The following AGAP1 variants were observed in gnomAD, a reference collection of about 807,000 sequenced individuals.
The protein encoded by AGAP1 is arf-GAP with GTPase, ANK repeat and PH domain-containing protein 1.
In AGAP1, 29 loss-of-function variants were observed where a neutral mutation model predicts 105.3. That is an observed-to-expected ratio of 0.28 (90% confidence interval 0.21 to 0.38). AGAP1 has a LOEUF of 0.38. AGAP1 is among the 10% of genes least tolerant of loss of function. The probability of loss-of-function intolerance (pLI) is 1.00; values close to 1 mark genes in which losing one functional copy is unlikely to be tolerated. For synonymous variants in AGAP1, 509 were observed against 485.9 expected (o/e 1.05, Z -0.63); for missense variants, 998 against 1,165.1 (o/e 0.86, Z 2.09).
chr2:235,604,026 G>T (rs1373332664), intron 1 of AGAP1, among the ~76,000 whole-genome samples: 1 of 152,000 alleles, frequency 6.6e-6, no homozygotes, highest in East Asian at 1.9e-4. Flanking sequence ...TGCATAGCAG[G>T]TGGATCTTGC....
intron 1 of AGAP1, chr2:235,670,650 C>A: frequency 1.6e-6 from 1 of 638,640 alleles, no homozygotes; most frequent in Non-Finnish European, 2.8e-6. Context: ...CTGGCCTGGG[C>A]GCCGTGCGAC....
chr2:235,750,595 G>A lies in AGAP1; in HGVS notation c.673+107G>A, dbSNP rs185110377. The A allele has an allele frequency of 3.8e-5, 57 of 1,516,670 alleles. No homozygotes were observed. The highest frequency in any genetic ancestry group is 1.1e-4 in the African/African-American group (8 of 73,180). The allele number at this position is 1,516,670 out of a possible 1,614,324, so 94.0% of individuals were successfully genotyped here. A position where few individuals can be genotyped will look rare whatever the true frequency, so the allele number is the denominator to read the frequency against. On this transcript the variant is annotated intron_variant, in intron 6 of 17. Coordinates refer to ENST00000304032, the MANE Select transcript of AGAP1 (RefSeq NM_001037131.3). The surrounding 1 kb of genome is among the most constrained non-coding windows in gnomAD (Gnocchi z 5.3). ...TGCATGTGGGTGGTGGAAATATGTC[G>A]TTGATGGGTGGGCATTAGTATCGAG...
chr2:236,040,695 T>C lies in AGAP1; in HGVS notation c.1801-56T>C. 1 of 1,529,170 alleles carries C rather than the reference T, an allele frequency of 6.5e-7. No individual in the cohort carries two copies. Among genetic ancestry groups the C allele is most frequent in the Non-Finnish European group, 9.0e-7 (1 of 1,106,204 alleles). The allele number at this position is 1,529,170 out of a possible 1,614,324, so 94.7% of individuals were successfully genotyped here. ...GATCTTTCCCTGATGTTATCAGTGATGTGCGTTTCTCCCGGGGTGCTTACG... is the reference window on the plus strand; with the variant it reads ...GATCTTTCCCTGATGTTATCAGTGACGTGCGTTTCTCCCGGGGTGCTTACG... On this transcript the variant is annotated intron_variant, in intron 14 of 17. Transcript: ENST00000304032. This position sits in a 1 kb window ranked among gnomAD's most constrained non-coding sequence, Gnocchi z 5.6.
At chr2:235,704,960 T>G (rs1354097451) in intron 1 of AGAP1, among the ~76,000 whole-genome samples, 3 of 98,292 alleles carry the variant, frequency 3.1e-5, no homozygotes, top group African/African-American at 4.5e-5. Flanking sequence ...AAATACAAGA[T>G]GCTTTTTTCT....
In AGAP1 at chr2:235,552,389, G is replaced by A. The variant is rs1943842769; in HGVS notation, c.163+57540G>A. 6.6e-6 allele frequency among the ~76,000 whole-genome samples: 1 copy of A among 152,208 alleles called. No homozygotes were observed. Among genetic ancestry groups the A allele is most frequent in the Non-Finnish European group, 1.5e-5 (1 of 68,026 alleles). On this transcript the variant is annotated intron_variant, in intron 1 of 17. Transcript: ENST00000304032. The surrounding 1 kb of genome is among the most constrained non-coding windows in gnomAD (Gnocchi z 5.9). ...TATAATGCAAGTGGGATTTCATTAT[G>A]TGTTTAAGGCTTGGCATTGTTGGAG...
In AGAP1 at chr2:235,867,193, T is replaced by A. The variant is rs1450971197; in HGVS notation, c.1051-16152T>A. 2.0e-5 allele frequency among the ~76,000 whole-genome samples: 3 copies of A among 152,178 alleles called. No individual in the cohort carries two copies. The highest frequency in any genetic ancestry group is 4.4e-5 in the Non-Finnish European group (3 of 68,022). ...TACATTAAAGTTTCTGGCCTCTGATTGGGTCTGCATGGTTTCCTGTCCTGT... is the reference window on the plus strand; with the variant it reads ...TACATTAAAGTTTCTGGCCTCTGATAGGGTCTGCATGGTTTCCTGTCCTGT... On this transcript the variant is annotated intron_variant, in intron 9 of 17. Transcript: ENST00000304032. The surrounding 1 kb of genome is among the most constrained non-coding windows in gnomAD (Gnocchi z 5.4).
In AGAP1 at chr2:236,124,092, C is replaced by G. The variant is rs1441836673; in HGVS notation, c.2544C>G (p.Asn848Lys). 1 of 1,614,072 alleles carries G rather than the reference C, an allele frequency of 6.2e-7. No homozygotes were observed. The change falls in exon 18 of 18, where the codon AAC (asparagine) becomes AAG (lysine). Residue 848 changes from asparagine (N) to lysine (K), a missense_variant. Asn to Lys is a moderately conservative substitution (Grantham distance 94, BLOSUM62 0). Coordinates refer to ENST00000304032, the MANE Select transcript of AGAP1 (RefSeq NM_001037131.3). The surrounding 1 kb of genome is among the most constrained non-coding windows in gnomAD (Gnocchi z 5.1). ...NLSRRNNNRN[N>K]SSGRVPTII ...CCAGGAGAAACAATAACCGGAACAA[C>G]AGCAGTGGGAGGGTGCCCACCATCA... is the stretch of plus-strand genomic sequence containing the variant.
rs986896995 is a variant in AGAP1, at chr2:235,728,326, T to TGTGTGTGTGTGTGTGTGTGCGTGTGC, written c.310+10683_310+10684insTGTGTGTGTGTGTGTGTGCGTGTGCG. 6.6e-6 allele frequency among the ~76,000 whole-genome samples: 1 copy of TGTGTGTGTGTGTGTGTGTGCGTGTGC among 151,628 alleles called. No homozygotes were observed. Among genetic ancestry groups the TGTGTGTGTGTGTGTGTGTGCGTGTGC allele is most frequent in the African/African-American group, 2.4e-5 (1 of 41,084 alleles). Reference sequence around the variant, plus strand: ...CTGTGTGTGTGTGTGTGTGTGTGTGTGCGTGCTCTTAAATCAATGTAAATT... The same window carrying TGTGTGTGTGTGTGTGTGTGCGTGTGC: ...CTGTGTGTGTGTGTGTGTGTGTGTGTGTGTGTGTGTGTGTGTGTGCGTGTGCGCGTGCTCTTAAATCAATGTAAATT... On this transcript the variant is annotated intron_variant, in intron 3 of 17. Transcript: ENST00000304032. The surrounding 1 kb of genome is among the most constrained non-coding windows in gnomAD (Gnocchi z 4.3).
chr2:235,670,315 G>A, intron 1 of AGAP1: 1 of 470,964 alleles, frequency 2.1e-6, no homozygotes, highest in South Asian at 3.5e-5. Flanking sequence ...TTGAGGAGGA[G>A]GCCGAGGAGG....
rs1941221809 is a variant in AGAP1, at chr2:235,494,582, C to T, written c.-105C>T. 2 of 303,246 alleles carry T rather than the reference C, an allele frequency of 6.6e-6. No individual in the cohort carries two copies. The highest frequency in any genetic ancestry group is 9.4e-6 in the Non-Finnish European group (2 of 212,658). 18.8% of individuals were successfully genotyped at this position (303,246 alleles called of 1,614,324 possible). A position where few individuals can be genotyped will look rare whatever the true frequency, so the allele number is the denominator to read the frequency against. On this transcript the variant is annotated 5_prime_UTR_variant, in exon 1 of 18. Coordinates refer to ENST00000304032, the MANE Select transcript of AGAP1 (RefSeq NM_001037131.3). ...CTCCTCCGCCCGCCGCCGGCGGGCC[C>T]GGCTCCCCGGGGGCTGCGGCGCCCC...
At position 235,853,178 on chromosome 2, in the gene AGAP1, A is replaced by G. The variant is rs2048551275; in HGVS notation, c.1051-30167A>G. On this transcript the variant is annotated intron_variant, in intron 9 of 17. Coordinates refer to ENST00000304032, the MANE Select transcript of AGAP1 (RefSeq NM_001037131.3). ...TTTGGGTACAAGCAGTGGTAGAAAC[A>G]TAAAACATTAAAATCCAAGATTGAG... The G allele has an allele frequency of 3.7e-6, 4 of 1,093,804 alleles. No homozygotes were observed. In the South Asian group the frequency reaches 1.3e-4, roughly 37 times the overall value. The allele number at this position is 1,093,804 out of a possible 1,614,324, so 67.8% of individuals were successfully genotyped here.
chr2:236,104,760 G>A lies in AGAP1; in HGVS notation c.2115-15432G>A, dbSNP rs1339970746. On this transcript the variant is annotated intron_variant, in intron 16 of 17. Transcript: ENST00000304032. This position sits in a 1 kb window ranked among gnomAD's most constrained non-coding sequence, Gnocchi z 4.7. ...AAAAATTAGCTGGGCATGGTGATGC[G>A]TGCCTGTAATCCCAGCTACTCGGGA... Among the ~76,000 whole-genome samples, 21 of 152,200 alleles carry A rather than the reference G, an allele frequency of 1.4e-4. No homozygotes were observed. Among genetic ancestry groups the A allele is most frequent in the Admixed American group, 1.0e-3 (16 of 15,286 alleles).
intron 13 of AGAP1, among the ~76,000 whole-genome samples, chr2:236,023,832 C>T (rs1285279571): frequency 6.6e-6 from 1 of 152,060 alleles, no homozygotes; most frequent in African/African-American, 2.4e-5. Flanking sequence ...CTGGATGGGC[C>T]TCAGGAGCCT....
intron 6 of AGAP1, among the ~76,000 whole-genome samples, chr2:235,794,467 T>G (rs1001921264): frequency 6.6e-5 from 10 of 152,122 alleles, no homozygotes; most frequent in Non-Finnish European, 1.3e-4. Flanking sequence ...TTCCAGATTT[T>G]TTTTAAATTA....
intron 16 of AGAP1, among the ~76,000 whole-genome samples, chr2:236,098,717 T>C (rs2059258500): frequency 1.3e-5 from 2 of 148,718 alleles, no homozygotes; most frequent in Non-Finnish European, 3.0e-5. Context: ...TTCCCGCTGC[T>C]GGGCTCAAGC....
In AGAP1 at chr2:235,678,101, G is replaced by A. The variant is rs893030500; in HGVS notation, c.164-31078G>A. Among the ~76,000 whole-genome samples the A allele has an allele frequency of 7.2e-5, 11 of 152,218 alleles. 1 individual carries two copies. Among genetic ancestry groups the A allele is most frequent in the Admixed American group, 4.6e-4 (7 of 15,288 alleles). ...TATGGTGCCGGTGAGCCTGCGCGGC[G>A]CTGGCTTTTGCTCCTCTGGTGCCAA... is the stretch of plus-strand genomic sequence containing the variant. On this transcript the variant is annotated intron_variant, in intron 1 of 17. Transcript: ENST00000304032.
rs1202200544 is a variant in AGAP1, at chr2:235,883,818, A to T, written c.1155+369A>T. ...GAAGGAAACAATTACATTTGAACCC[A>T]GGATTTAGCTTTGAAAAGCTGTGAA... On this transcript the variant is annotated intron_variant, in intron 10 of 17. Coordinates refer to ENST00000304032, the MANE Select transcript of AGAP1 (RefSeq NM_001037131.3). The surrounding 1 kb of genome is among the most constrained non-coding windows in gnomAD (Gnocchi z 4.5). 6.6e-6 allele frequency among the ~76,000 whole-genome samples: 1 copy of T among 152,244 alleles called. No individual in the cohort carries two copies. The highest frequency in any genetic ancestry group is 1.9e-4 in the East Asian group (1 of 5,200).
rs562218358 is a variant in AGAP1 at position 235,961,181 on chromosome 2, C to A, written c.1484-7281C>A. Among the ~76,000 whole-genome samples, 2 of 152,314 alleles carry A rather than the reference C, an allele frequency of 1.3e-5. No individual in the cohort carries two copies. The highest frequency in any genetic ancestry group is 3.9e-4 in the East Asian group (2 of 5,170). On this transcript the variant is annotated intron_variant, in intron 12 of 17. Transcript: ENST00000304032. This position sits in a 1 kb window ranked among gnomAD's most constrained non-coding sequence, Gnocchi z 5.9. ...GAAACACGCATGGAGCATGTCATGT[C>A]CCCATGTGGAGAGAGCCACGGAGCA... is the stretch of plus-strand genomic sequence containing the variant.
chr2:235,507,160 G>A lies in AGAP1; in HGVS notation c.163+12311G>A, dbSNP rs72984653. ...TGAATGGAGCAGCTGCCCAGAATCTGTCTTGTCATCGATAGATGGACAGTT... is the reference window on the plus strand; with the variant it reads ...TGAATGGAGCAGCTGCCCAGAATCTATCTTGTCATCGATAGATGGACAGTT... On this transcript the variant is annotated intron_variant, in intron 1 of 17. Coordinates refer to ENST00000304032, the MANE Select transcript of AGAP1 (RefSeq NM_001037131.3). 5.7e-3 allele frequency: 874 copies of A among 152,806 alleles called. 6 individuals carry two copies. The highest frequency in any genetic ancestry group is 7.9e-3 in the Non-Finnish European group (538 of 68,096). 9.5% of individuals were successfully genotyped at this position (152,806 alleles called of 1,614,324 possible). A position where few individuals can be genotyped will look rare whatever the true frequency, so the allele number is the denominator to read the frequency against.
Sources: gnomAD v4.1 joint callset for allele counts (sites outside exome capture counted in the v4.1 genomes callset) on GRCh38, gnomAD v4.1.1 for gene constraint, Gnocchi (gnomAD v3.1) non-coding constraint, MANE v1.5 for transcripts, NCBI Gene and HGNC (gene_info 2026-07-23, HGNC 2026-07-21) for gene names.